The following NPAS3 variants were observed in gnomAD, a reference collection of about 807,000 sequenced individuals.
NPAS3 encodes neuronal PAS domain-containing protein 3.
In NPAS3, 14 loss-of-function variants were observed where a neutral mutation model predicts 73.1. That is an observed-to-expected ratio of 0.19 (90% CI 0.13 to 0.30). NPAS3 has a LOEUF of 0.30. Ranked by LOEUF, NPAS3 falls within the 10% of genes least tolerant of loss-of-function variation. The pLI, the probability that NPAS3 is intolerant of heterozygous loss-of-function variation, is 1.00. For missense variants in NPAS3, 1,096 were observed against 1,250.0 expected (o/e 0.88, Z 1.86); for synonymous variants, 620 against 541.5 (o/e 1.14, Z -2.01).
chr14:32,977,356 G>GCGCACACA (rs1555313829), intron 1 of NPAS3, among the ~76,000 whole-genome samples: 2 of 141,448 alleles, frequency 1.4e-5, no homozygotes, highest in African/African-American at 2.6e-5. Context: ...TCTCTGACAC[G>GCGCACACA]CACACACACA....
At chr14:33,731,246 T>TA (rs2061390935) in intron 6 of NPAS3, among the ~76,000 whole-genome samples, 4 of 151,776 alleles carry the variant, frequency 2.6e-5, no homozygotes, top group Non-Finnish European at 5.9e-5. Context: ...CAAAAAATAC[T>TA]AAAAAACATT....
chr14:33,355,427 A>G (rs963115633), intron 3 of NPAS3, among the ~76,000 whole-genome samples: 8 of 152,076 alleles, frequency 5.3e-5, no homozygotes, highest in Middle Eastern at 3.4e-3. Flanking sequence ...CAGCCTCCCA[A>G]GTAGCCGGGA....
At chr14:33,481,838 A>C (rs1453495322) in intron 4 of NPAS3, among the ~76,000 whole-genome samples, 1 of 152,140 alleles carries the variant, frequency 6.6e-6, no homozygotes, top group Non-Finnish European at 1.5e-5. Flanking sequence ...GGGGGAGGAC[A>C]AGGCTGTTTG....
At chr14:33,750,322 A>T (rs1375023751) in intron 7 of NPAS3, among the ~76,000 whole-genome samples, 1 of 152,048 alleles carries the variant, frequency 6.6e-6, no homozygotes, top group Non-Finnish European at 1.5e-5. Flanking sequence ...ATCAAAAATG[A>T]GGTGATATTT....
intron 7 of NPAS3, among the ~76,000 whole-genome samples, chr14:33,744,482 C>T (rs192927297): frequency 1.3e-5 from 2 of 152,200 alleles, no homozygotes; most frequent in East Asian, 3.9e-4. Context: ...ATCACTATAA[C>T]AGGTATACTA....
At chr14:33,224,159 A>T (rs1010981840) in intron 3 of NPAS3, among the ~76,000 whole-genome samples, 1 of 152,088 alleles carries the variant, frequency 6.6e-6, no homozygotes, top group African/African-American at 2.4e-5. Flanking sequence ...CTTATTTGGG[A>T]CTTTCAAGTT....
intron 4 of NPAS3, among the ~76,000 whole-genome samples, chr14:33,555,490 T>C (rs2055312850): frequency 1.3e-5 from 2 of 152,164 alleles, no homozygotes; most frequent in South Asian, 4.1e-4. Flanking sequence ...AACTGCATAG[T>C]ATATAATAGC....
chr14:33,735,309 C>T, exon 7 of NPAS3: 2 of 1,612,914 alleles, frequency 1.2e-6, no homozygotes, highest in Non-Finnish European at 1.7e-6. Flanking sequence ...ACGCGGTGTG[C>T]ACATCAAATC....
At position 33,680,727 on chromosome 14, in the gene NPAS3, G is replaced by T. The variant is rs1444313021; in HGVS notation, c.733+4342G>T. On this transcript the variant is annotated intron_variant, in intron 6 of 11. Coordinates refer to ENST00000356141, the Ensembl canonical transcript of NPAS3. ...AGGGGCTCTTGTGGCTTTTTGGGTG[G>T]GTGTGAGTTCATAGAGGGGAAAATC... 38 of 684,762 alleles carry T rather than the reference G, an allele frequency of 5.5e-5. No individual in the cohort carries two copies. In the East Asian group the frequency reaches 1.0e-3, roughly 18 times the overall value. The allele number at this position is 684,762 out of a possible 1,614,324, so 42.4% of individuals were successfully genotyped here.
intron 5 of NPAS3, among the ~76,000 whole-genome samples, chr14:33,584,011 G>A (rs1567029199): frequency 6.6e-6 from 1 of 152,080 alleles, no homozygotes; most frequent in Non-Finnish European, 1.5e-5. Context: ...GTAAAATTTG[G>A]CATTTCTTTC....
intron 4 of NPAS3, among the ~76,000 whole-genome samples, chr14:33,393,731 A>T (rs1195422129): frequency 1.3e-5 from 2 of 152,158 alleles, no homozygotes; most frequent in African/African-American, 4.8e-5. Context: ...TCAGTTCATG[A>T]TATATGATAC....
At chr14:33,574,804 C>T (rs1211513297) in intron 5 of NPAS3, among the ~76,000 whole-genome samples, 1 of 152,060 alleles carries the variant, frequency 6.6e-6, no homozygotes, top group Non-Finnish European at 1.5e-5. Flanking sequence ...GTTATCTCTT[C>T]CTCTTCTGCT....
chr14:33,316,277 TCA>T (rs1193702724), intron 3 of NPAS3, among the ~76,000 whole-genome samples: 1 of 152,114 alleles, frequency 6.6e-6, no homozygotes, highest in Non-Finnish European at 1.5e-5. Context: ...TTTTTTAAAA[TCA>T]CGCGTGGGCT....
downstream of NPAS3, chr14:33,802,991 C>A (rs539156826): frequency 6.6e-6 from 1 of 152,136 alleles, no homozygotes; most frequent in Non-Finnish European, 1.5e-5. Context: ...GTTAATGGAG[C>A]CATTTTTCCC....
At chr14:33,362,673 A>G (rs2045657425) in intron 3 of NPAS3, among the ~76,000 whole-genome samples, 1 of 152,026 alleles carries the variant, frequency 6.6e-6, no homozygotes, top group Non-Finnish European at 1.5e-5. Context: ...GAGGGGAGCT[A>G]TCAGGGGTTA....
At chr14:33,403,962 A>G (rs2047554935) in intron 4 of NPAS3, among the ~76,000 whole-genome samples, 2 of 152,172 alleles carry the variant, frequency 1.3e-5, no homozygotes, top group Admixed American at 1.3e-4. Flanking sequence ...GTAAGCACAA[A>G]TATATGAGAA....
At chr14:33,609,722 C>T (rs1005167896) in intron 5 of NPAS3, among the ~76,000 whole-genome samples, 3 of 152,030 alleles carry the variant, frequency 2.0e-5, no homozygotes, top group African/African-American at 7.3e-5. Context: ...TTCCGCAGCA[C>T]CAGGGGCTAA....
intron 9 of NPAS3, among the ~76,000 whole-genome samples, chr14:33,785,797 A>C (rs1168366949): frequency 2.0e-5 from 3 of 152,176 alleles, no homozygotes; most frequent in African/African-American, 7.2e-5. Context: ...ACTAGAATGC[A>C]CCTGGTTACA....
intron 4 of NPAS3, among the ~76,000 whole-genome samples, chr14:33,379,977 CGTGTGTGTGTGT>C (rs34208750): frequency 6.9e-6 from 1 of 144,232 alleles, no homozygotes; most frequent in African/African-American, 2.6e-5. Flanking sequence ...AGTTATCCCT[CGTGTGTGTGTGT>C]GTGTGTGTGT....
Sources: allele counts gnomAD v4.1 joint callset (sites outside exome capture counted in the v4.1 genomes callset), GRCh38; gene constraint gnomAD v4.1.1; transcripts MANE v1.5; gene names NCBI Gene and HGNC (gene_info 2026-07-23, HGNC 2026-07-21).